Variants in CD5 observed in about 807,000 individuals in gnomAD.
CD5 encodes T-cell surface glycoprotein CD5.
A neutral mutation model predicts 60.3 loss-of-function variants in CD5; 36 were observed. The observed-to-expected ratio is 0.60, with a 90% CI of 0.46 to 0.79. The LOEUF is 0.79. Among genes scored for constraint, CD5 ranks in the 30% least tolerant of loss-of-function variants. The pLI is 0.00. For missense variants in CD5, 540 were observed against 630.6 expected (o/e 0.86, Z 1.54); for synonymous variants, 230 against 257.6 (o/e 0.89, Z 1.03).
chr11:61,104,166 CTG>C (rs1860745189), intron 1 of CD5, among the ~76,000 whole-genome samples: 1 of 151,918 alleles, frequency 6.6e-6, no homozygotes, highest in Non-Finnish European at 1.5e-5. Flanking sequence ...GTGTGGGAGT[CTG>C]TGCGCATGTG....
intron 6 of CD5, among the ~76,000 whole-genome samples, chr11:61,122,392 TG>T (rs1332769090): frequency 7.0e-6 from 1 of 142,972 alleles, no homozygotes; most frequent in African/African-American, 2.7e-5. Flanking sequence ...GATGGATGGA[TG>T]GATGGATGGA....
intron 6 of CD5, among the ~76,000 whole-genome samples, chr11:61,122,290 T>TG (rs1861073338): frequency 1.2e-5 from 1 of 84,622 alleles, no homozygotes; most frequent in Non-Finnish European, 2.3e-5. Flanking sequence ...ATGGATGGAT[T>TG]GGTGGGTGGG....
In CD5 at chr11:61,118,792, C is replaced by T; in HGVS notation, c.401-123C>T. On this transcript the variant is annotated intron_variant, in intron 3 of 10. Coordinates refer to ENST00000347785, the MANE Select transcript of CD5 (RefSeq NM_014207.4). This position sits in a 1 kb window ranked among gnomAD's most constrained non-coding sequence, Gnocchi z 4.7. Reference sequence around the variant, plus strand: ...GGAGGCTTAGAGACAACGTGTGGGTCAAGTGGACCTGGTGTGCCAAGCGGC... The same window carrying T: ...GGAGGCTTAGAGACAACGTGTGGGTTAAGTGGACCTGGTGTGCCAAGCGGC... The T allele has an allele frequency of 1.5e-6, 1 of 681,052 alleles. No individual in the cohort carries two copies. Among genetic ancestry groups the T allele is most frequent in the Non-Finnish European group, 2.6e-6 (1 of 388,916 alleles). The allele number at this position is 681,052 out of a possible 1,614,324, so 42.2% of individuals were successfully genotyped here. A position where few individuals can be genotyped will look rare whatever the true frequency, so the allele number is the denominator to read the frequency against.
chr11:61,117,278 A>C (rs569798862), intron 2 of CD5, among the ~76,000 whole-genome samples: 1 of 152,158 alleles, frequency 6.6e-6, no homozygotes, highest in Non-Finnish European at 1.5e-5. Flanking sequence ...CACAGGCAAA[A>C]CTCATCTTTT....
chr11:61,124,430 C>A (rs1431939899), intron 8 of CD5, among the ~76,000 whole-genome samples: 2 of 152,216 alleles, frequency 1.3e-5, no homozygotes, highest in Admixed American at 6.5e-5. Flanking sequence ...TTAAGAAGGG[C>A]TGTCCAAGTT....
chr11:61,095,223 C>T, the CD5 span, among the ~76,000 whole-genome samples: 1 of 152,074 alleles, frequency 6.6e-6, no homozygotes, highest in Non-Finnish European at 1.5e-5. Flanking sequence ...CCCCAGACCA[C>T]CCAGAGTAGA....
At chr11:61,095,125 T>C in the CD5 span, among the ~76,000 whole-genome samples, 1 of 152,016 alleles carries the variant, frequency 6.6e-6, no homozygotes, top group Non-Finnish European at 1.5e-5. Context: ...ACAGCAGGAA[T>C]TGGTACCAGC....
chr11:61,123,919 A>G lies in CD5; in HGVS notation c.1261A>G (p.Thr421Ala), dbSNP rs1861108516. 6.2e-7 allele frequency: 1 copy of G among 1,610,762 alleles called. No individual in the cohort carries two copies. The highest frequency in any genetic ancestry group is 8.5e-7 in the Non-Finnish European group (1 of 1,178,180). Residue 421 changes from threonine (T) to alanine (A), a missense_variant, in exon 8 of 11, where the codon ACG (threonine) becomes GCG (alanine). By Grantham distance (58) the Thr-to-Ala change is moderately conservative. Coordinates refer to ENST00000347785, the MANE Select transcript of CD5 (RefSeq NM_014207.4). ...GAAGCAGCGCCAGTGGATTGGCCCA[A>G]CGGGAATGAACCAAAACAGTAAGTG... The part of the protein sequence containing the change: ...QKKQRQWIGP[T>A]GMNQNMSFHR...
chr11:61,125,639 C>A, intron 9 of CD5, 112 bp from the exon 10 acceptor site: 2 of 630,586 alleles, frequency 3.2e-6, no homozygotes, highest in Admixed American at 3.0e-5. Context: ...GGGTTGTCAC[C>A]GGCTCATAAA....
Position 61,121,811 on chromosome 11 carries a change from A to G in CD5, c.1006A>G (p.Thr336Ala), listed in dbSNP as rs751748072. The change falls in exon 6 of 11, where the codon ACA (threonine) becomes GCA (alanine). Residue 336 changes from threonine (T) to alanine (A), a missense_variant. Physicochemically the swap from Thr to Ala is moderately conservative, Grantham distance 58. Coordinates refer to ENST00000347785, the MANE Select transcript of CD5 (RefSeq NM_014207.4). ...SYRVLDAGDP[T>A]SRGLFCPHQK... ...TCGAGTGCTGGACGCTGGTGACCCA[A>G]CATCCCGGGGGCTCTTCTGTCCCCA... is the stretch of plus-strand genomic sequence containing the variant. The G allele has an allele frequency of 6.2e-7, 1 of 1,609,248 alleles. No homozygotes were observed. Among genetic ancestry groups the G allele is most frequent in the Admixed American group, 1.7e-5 (1 of 59,798 alleles).
chr11:61,115,196 C>CAGAGTGAACCCCACCCTATAGAG (rs1860921010), intron 2 of CD5, 102 bp downstream of exon 2: 1 of 1,032,040 alleles, frequency 9.7e-7, no homozygotes, highest in African/African-American at 1.6e-5. Flanking sequence ...TCACTTCTGC[C>CAGAGTGAACCCCACCCTATAGAG]AGAGTGAACC....
In CD5 at chr11:61,118,196, G is replaced by A. The variant is rs150082740; in HGVS notation, c.116G>A (p.Arg39His). 36 of 1,613,832 alleles carry A rather than the reference G, an allele frequency of 2.2e-5. 1 individual carries two copies. Among genetic ancestry groups the A allele is most frequent in the African/African-American group, 1.5e-4 (11 of 74,924 alleles). ...YDPDFQARLT[R>H]SNSKCQGQLE... ...CCAGATTTCCAGGCAAGGCTCACCC[G>A]TTCCAACTCGAAGTGCCAGGGCCAG... Residue 39 changes from arginine (R) to histidine (H), a missense_variant, in exon 3 of 11, where the codon CGT (arginine) becomes CAT (histidine). Arg to His is a conservative substitution (Grantham distance 29, BLOSUM62 0). Transcript: ENST00000347785. The surrounding 1 kb of genome is among the most constrained non-coding windows in gnomAD (Gnocchi z 4.7).
chr11:61,111,328 C>T (rs1340709159), intron 1 of CD5, among the ~76,000 whole-genome samples: 2 of 152,190 alleles, frequency 1.3e-5, no homozygotes, highest in African/African-American at 4.8e-5. Flanking sequence ...ACCTGCCAGC[C>T]ATATTACCCG....
chr11:61,106,304 C>T (rs193244700), intron 1 of CD5, among the ~76,000 whole-genome samples: 49 of 152,054 alleles, frequency 3.2e-4, no homozygotes, highest in African/African-American at 1.1e-3. Context: ...TCTGAGAATC[C>T]GAGACCTGAA....
chr11:61,095,224 C>T, the CD5 span, among the ~76,000 whole-genome samples: 2 of 152,034 alleles, frequency 1.3e-5, no homozygotes, highest in Non-Finnish European at 2.9e-5. Context: ...CCCAGACCAC[C>T]CAGAGTAGAC....
At chr11:61,104,060 CTGTGTGTGAGTCTG>C (rs757755334) in intron 1 of CD5, among the ~76,000 whole-genome samples, 5 of 114,174 alleles carry the variant, frequency 4.4e-5, no homozygotes, top group Admixed American at 1.9e-4. Flanking sequence ...ATGTGTGAGT[CTGTGTGTGAGTCTG>C]TGTGTGAGTC....
upstream of CD5, among the ~76,000 whole-genome samples, chr11:61,099,000 A>G (rs1860620181): frequency 6.6e-6 from 1 of 152,196 alleles, no homozygotes. Flanking sequence ...CCAAGGAGCC[A>G]GGAGCTTTCT....
chr11:61,109,158 G>C (rs940832972), intron 1 of CD5, among the ~76,000 whole-genome samples: 7 of 152,236 alleles, frequency 4.6e-5, no homozygotes, highest in Non-Finnish European at 1.0e-4. Flanking sequence ...CATCATGCAA[G>C]TCAACAAATA....
chr11:61,103,494 C>T (rs1014633236), intron 1 of CD5, among the ~76,000 whole-genome samples: 1 of 151,918 alleles, frequency 6.6e-6, no homozygotes, highest in Non-Finnish European at 1.5e-5. Flanking sequence ...GGAGCCTCAG[C>T]AGCCTTCTAG....
Sources: allele counts gnomAD v4.1 joint callset (sites outside exome capture counted in the v4.1 genomes callset), GRCh38; gene constraint gnomAD v4.1.1; non-coding constraint Gnocchi (gnomAD v3.1); transcripts MANE v1.5; gene names NCBI Gene and HGNC (gene_info 2026-07-23, HGNC 2026-07-21).